The following ARHGAP31 variants were observed in gnomAD, a reference collection of about 807,000 sequenced individuals.
The protein encoded by ARHGAP31 is Rho GTPase activating protein 31.
Under a neutral mutation model 113.9 loss-of-function variants are expected in ARHGAP31, and 34 were observed. The ratio of observed to expected loss-of-function variants is 0.30; its 90% CI spans 0.23 to 0.40. The LOEUF (loss-of-function observed/expected upper bound fraction) is 0.40. ARHGAP31 is among the 10% of genes least tolerant of loss of function. The pLI is 1.00. For missense variants in ARHGAP31, 1,548 were observed against 1,767.1 expected (o/e 0.88, Z 2.22); for synonymous variants, 650 against 684.8 (o/e 0.95, Z 0.79).
At chr3:119,308,049 G>A (rs557662340) in intron 1 of ARHGAP31, among the ~76,000 whole-genome samples, 4 of 151,482 alleles carry the variant, frequency 2.6e-5, no homozygotes, top group South Asian at 4.2e-4. Context: ...CGCACGCAGC[G>A]TTGTCTTTAT....
intron 3 of ARHGAP31, among the ~76,000 whole-genome samples, chr3:119,371,514 A>T (rs1180831291): frequency 6.6e-6 from 1 of 152,234 alleles, no homozygotes; most frequent in African/African-American, 2.4e-5. Flanking sequence ...TGGAGAATGT[A>T]TCATTTAATA....
chr3:119,406,638 G>A (rs1447983633), intron 10 of ARHGAP31, among the ~76,000 whole-genome samples: 2 of 152,186 alleles, frequency 1.3e-5, no homozygotes, highest in African/African-American at 4.8e-5. Context: ...GCACATGAAA[G>A]GCACCTATCT....
chr3:119,359,524 C>T (rs1238198131), intron 1 of ARHGAP31, among the ~76,000 whole-genome samples: 1 of 151,338 alleles, frequency 6.6e-6, no homozygotes, highest in Non-Finnish European at 1.5e-5. Flanking sequence ...TTTAATTCCA[C>T]ATGAAGCCAG....
intron 1 of ARHGAP31, among the ~76,000 whole-genome samples, chr3:119,359,742 A>G (rs1406555887): frequency 6.6e-6 from 1 of 152,132 alleles, no homozygotes; most frequent in Non-Finnish European, 1.5e-5. Context: ...CTGGGGGGGA[A>G]ACGCCTAGGA....
chr3:119,326,136 G>A lies in ARHGAP31; in HGVS notation c.100+31132G>A, dbSNP rs529377320. 7.2e-5 allele frequency among the ~76,000 whole-genome samples: 11 copies of A among 152,322 alleles called. No individual in the cohort carries two copies. In the South Asian group the frequency reaches 2.3e-3, roughly 32 times the overall value. The stretch of plus-strand genomic sequence containing the variant: ...GAACCCAGGAGGCGGAGGTTGCAGT[G>A]AGCTGAGATCATGTCATTGCACTCC... On this transcript the variant is annotated intron_variant, in intron 1 of 11. Transcript: ENST00000264245.
intron 1 of ARHGAP31, among the ~76,000 whole-genome samples, chr3:119,308,398 G>A (rs1405159296): frequency 1.3e-5 from 2 of 152,208 alleles, no homozygotes; most frequent in African/African-American, 4.8e-5. Context: ...TATTTCTGGA[G>A]GCTCTGGGGA....
intron 1 of ARHGAP31, among the ~76,000 whole-genome samples, chr3:119,304,565 A>G (rs2079613241): frequency 6.6e-6 from 1 of 152,152 alleles, no homozygotes; most frequent in Admixed American, 6.5e-5. Context: ...GAGGGTACTT[A>G]GAGTGGTGAG....
chr3:119,383,171 G>A lies in ARHGAP31; in HGVS notation c.627G>A (p.Leu209=), dbSNP rs765900101. 6 of 1,614,046 alleles carry A rather than the reference G, an allele frequency of 3.7e-6. No individual in the cohort carries two copies. Among genetic ancestry groups the A allele is most frequent in the Non-Finnish European group, 5.1e-6 (6 of 1,180,024 alleles). The stretch of plus-strand genomic sequence containing the variant: ...AGCAGGTGGTGATTGAGTTCATATT[G>A]AATCATGTAGATCAAATCTTTAACA... The part of the protein sequence containing the change: ...RVQQVVIEFI[L]NHVDQIFNNG... Residue 209 remains leucine (L), a synonymous_variant, in exon 6 of 12, where the codon TTG becomes TTA. Transcript: ENST00000264245.
chr3:119,331,805 A>G (rs891511273), intron 1 of ARHGAP31, among the ~76,000 whole-genome samples: 4 of 152,184 alleles, frequency 2.6e-5, no homozygotes, highest in African/African-American at 9.7e-5. Flanking sequence ...AAGAAACCTC[A>G]TAGGGCAGCT....
rs373545764 is a variant in ARHGAP31 at position 119,415,422 on chromosome 3, C to T, written c.3493C>T (p.Leu1165=). The change falls in exon 12 of 12, where the codon CTG becomes TTG. Residue 1165 remains leucine (L), a synonymous_variant. Transcript: ENST00000264245. ...GGTTTACTCCCAGGACCCCCAGGAC[C>T]TGGACATTGTTGCTCATGCACTGAC... ...WRVYSQDPQD[L]DIVAHALTGR... The T allele has an allele frequency of 6.2e-7, 1 of 1,614,098 alleles. No individual in the cohort carries two copies. The highest frequency in any genetic ancestry group is 1.7e-5 in the Admixed American group (1 of 60,024).
At position 119,383,000 on chromosome 3, in the gene ARHGAP31, T is replaced by C. The variant is rs933469628; in HGVS notation, c.540-84T>C. 4.6e-6 allele frequency: 7 copies of C among 1,512,710 alleles called. No homozygotes were observed. The African/African-American group carries it at 9.6e-5, about 21-fold the overall frequency. 93.7% of individuals were successfully genotyped at this position (1,512,710 alleles called of 1,614,324 possible). A position where few individuals can be genotyped will look rare whatever the true frequency, so the allele number is the denominator to read the frequency against. On this transcript the variant is annotated intron_variant, in intron 5 of 11. Coordinates refer to ENST00000264245, the MANE Select transcript of ARHGAP31 (RefSeq NM_020754.4). ...CTGTATCAATTTAGGAGATGAGCCT[T>C]GTGCAAAAGGCCCACTGGCTCCTCT...
intron 1 of ARHGAP31, among the ~76,000 whole-genome samples, chr3:119,359,249 C>T (rs887367387): frequency 2.0e-5 from 3 of 151,962 alleles, no homozygotes; most frequent in African/African-American, 7.2e-5. Flanking sequence ...AACTCCTGAC[C>T]TCAGGTGATC....
In ARHGAP31 at chr3:119,390,868, C is replaced by G; in HGVS notation, c.766C>G (p.Arg256Gly). The G allele has an allele frequency of 6.2e-7, 1 of 1,613,976 alleles. No individual in the cohort carries two copies. The highest frequency in any genetic ancestry group is 8.5e-7 in the Non-Finnish European group (1 of 1,180,044). Reference sequence around the variant, plus strand: ...GGTGAGCCTTGAGGAAGCTCAAGCCCGCAGCCTGGCCACTAACCATCCTGC... The same window carrying G: ...GGTGAGCCTTGAGGAAGCTCAAGCCGGCAGCCTGGCCACTAACCATCCTGC... ...KLVSLEEAQA[R>G]SLATNHPARK... is the part of the protein sequence containing the mutation. The change falls in exon 7 of 12, where the codon CGC becomes GGC. Residue 256 changes from arginine to glycine, a missense_variant. Physicochemically the swap from Arg to Gly is moderately radical, Grantham distance 125. Coordinates refer to ENST00000264245, the MANE Select transcript of ARHGAP31 (RefSeq NM_020754.4).
intron 1 of ARHGAP31, among the ~76,000 whole-genome samples, chr3:119,357,109 C>T (rs1331430446): frequency 6.6e-6 from 1 of 152,150 alleles, no homozygotes; most frequent in Non-Finnish European, 1.5e-5. Context: ...AATGATATAT[C>T]AGTGCAGTTT....
chr3:119,399,518 C>A (rs2080581837), intron 9 of ARHGAP31, among the ~76,000 whole-genome samples: 1 of 152,224 alleles, frequency 6.6e-6, no homozygotes, highest in African/African-American at 2.4e-5. Flanking sequence ...AAGTCCATGG[C>A]TACTTTTCAT....
intron 10 of ARHGAP31, among the ~76,000 whole-genome samples, chr3:119,404,376 A>G (rs2080642551): frequency 6.6e-6 from 1 of 152,118 alleles, no homozygotes; most frequent in African/African-American, 2.4e-5. Flanking sequence ...CCTGTGGCCA[A>G]TGGGCAGTCA....
intron 7 of ARHGAP31, 95 bp from the exon 8 acceptor site, chr3:119,393,372 A>G: frequency 6.7e-7 from 1 of 1,483,130 alleles, no homozygotes; most frequent in Non-Finnish European, 9.4e-7. Flanking sequence ...AGCCATTCAT[A>G]ACTGAGGACA....
intron 10 of ARHGAP31, among the ~76,000 whole-genome samples, chr3:119,407,504 G>A (rs186050142): frequency 2.2e-4 from 33 of 152,266 alleles, no homozygotes; most frequent in African/African-American, 6.7e-4. Flanking sequence ...TGTATTTTGT[G>A]TACTAAGGAT....
Position 119,383,075 on chromosome 3 carries a change from A to G in ARHGAP31, c.540-9A>G. ...CTCACTAACTGAATATGTTTCTTCC[A>G]CACGGTAGGTCTAAAGAAATTGAAG... On this transcript the variant is annotated splice_polypyrimidine_tract_variant and intron_variant, in intron 5 of 11. Transcript: ENST00000264245. 6.2e-7 allele frequency: 1 copy of G among 1,614,072 alleles called. No homozygotes were observed. Among genetic ancestry groups the G allele is most frequent in the Non-Finnish European group, 8.5e-7 (1 of 1,180,030 alleles).
Sources: allele counts gnomAD v4.1 joint callset (sites outside exome capture counted in the v4.1 genomes callset), GRCh38; gene constraint gnomAD v4.1.1; transcripts MANE v1.5; gene names NCBI Gene and HGNC (gene_info 2026-07-23, HGNC 2026-07-21).